The following MYO16 variants were observed in gnomAD, a reference collection of about 807,000 sequenced individuals.
MYO16 encodes the protein unconventional myosin-XVI.
MYO16 carries 94 observed loss-of-function variants against 205.3 expected under a neutral mutation model. The ratio of observed to expected loss-of-function variants is 0.46; its 90% confidence interval spans 0.39 to 0.54. The LOEUF is 0.54. MYO16 is among the 20% of genes least tolerant of loss of function. The probability of loss-of-function intolerance (pLI) is 0.00; values close to 1 mark genes in which losing one functional copy is unlikely to be tolerated. For synonymous variants in MYO16, 988 were observed against 954.0 expected (o/e 1.04, Z -0.66); for missense variants, 2,315 against 2,387.5 (o/e 0.97, Z 0.63).
At chr13:108,668,847 C>A (rs1210216976) in intron 2 of MYO16, among the ~76,000 whole-genome samples, 2 of 152,110 alleles carry the variant, frequency 1.3e-5, no homozygotes, top group Non-Finnish European at 2.9e-5. Context: ...TGCATAGCCG[C>A]AGATGTAACT....
chr13:108,991,400 TC>T (rs1169117399), intron 20 of MYO16, among the ~76,000 whole-genome samples: 18 of 152,260 alleles, frequency 1.2e-4, no homozygotes, highest in Admixed American at 6.5e-5. Context: ...CTTTAAATTA[TC>T]CTTCAAAAGT....
At chr13:109,099,238 A>C (rs982286377) in intron 27 of MYO16, among the ~76,000 whole-genome samples, 1 of 152,218 alleles carries the variant, frequency 6.6e-6, no homozygotes, top group African/African-American at 2.4e-5. Context: ...TGGAACCCAA[A>C]TAAGAAAATC....
At chr13:108,642,630 C>A (rs375527719) in intron 1 of MYO16, among the ~76,000 whole-genome samples, 16 of 151,964 alleles carry the variant, frequency 1.1e-4, no homozygotes, top group East Asian at 5.8e-4. Flanking sequence ...GTTGGCCAGG[C>A]TGGTCTCAAA....
At chr13:108,827,266 A>G (rs1876325727) in intron 9 of MYO16, among the ~76,000 whole-genome samples, 1 of 151,954 alleles carries the variant, frequency 6.6e-6, no homozygotes, top group South Asian at 2.1e-4. Context: ...CCCCCAGAAT[A>G]TATTTTGCTA....
chr13:108,878,292 CAAGCAGATGAACAG>C (rs1879423067), intron 12 of MYO16, among the ~76,000 whole-genome samples: 1 of 152,036 alleles, frequency 6.6e-6, no homozygotes, highest in South Asian at 2.1e-4. Context: ...CCAGACTCCA[CAAGCAGATGAACAG>C]AAGAGCAGAA....
At chr13:108,528,381 G>A in the MYO16 span, among the ~76,000 whole-genome samples, 9 of 152,224 alleles carry the variant, frequency 5.9e-5, no homozygotes, top group African/African-American at 1.9e-4. Flanking sequence ...CAAACGTTAG[G>A]TCTGATGCCA....
At chr13:108,719,047 A>C (rs750947694) in intron 3 of MYO16, among the ~76,000 whole-genome samples, 1 of 152,148 alleles carries the variant, frequency 6.6e-6, no homozygotes, top group Non-Finnish European at 1.5e-5. Context: ...AGATGATCTA[A>C]GAAAGGCCCC....
chr13:108,496,062 G>A, the MYO16 span, among the ~76,000 whole-genome samples: 1 of 152,194 alleles, frequency 6.6e-6, no homozygotes. Flanking sequence ...GGTGCCCCGG[G>A]TCGGACTTGC....
chr13:108,988,872 C>T (rs969346033), intron 20 of MYO16, among the ~76,000 whole-genome samples: 15 of 152,116 alleles, frequency 9.9e-5, no homozygotes, highest in Non-Finnish European at 2.9e-5. Context: ...GACCAGCACC[C>T]GGCCTTCAGG....
At chr13:108,852,464 G>A (rs901389560) in intron 10 of MYO16, among the ~76,000 whole-genome samples, 6 of 151,918 alleles carry the variant, frequency 3.9e-5, no homozygotes, top group Admixed American at 2.0e-4. Flanking sequence ...GTCCTCTCTG[G>A]GCCTTAAGTT....
At position 108,855,509 on chromosome 13, in the gene MYO16, C is replaced by T. The variant is rs1241966140; in HGVS notation, c.1315C>T (p.Leu439=). ...ATLSELNDGS[L]LYEIQKRFGN... The stretch of plus-strand genomic sequence containing the variant: ...GCTCAGCGAGCTCAATGATGGCAGC[C>T]TGCTCTATGAGATTCAGAAGCGCTT... The change falls in exon 11 of 35, where the codon CTG becomes TTG. Residue 439 remains leucine, a synonymous_variant. Transcript: ENST00000457511. 3.1e-6 allele frequency: 5 copies of T among 1,598,238 alleles called. No individual in the cohort carries two copies. The South Asian group carries it at 5.6e-5, about 18-fold the overall frequency.
At chr13:108,621,206 C>G (rs763790494) in intron 1 of MYO16, among the ~76,000 whole-genome samples, 2 of 152,076 alleles carry the variant, frequency 1.3e-5, no homozygotes, top group African/African-American at 4.8e-5. Context: ...CTCTGTAATT[C>G]TGTTTCCCAG....
At position 108,886,272 on chromosome 13, in the gene MYO16, C is replaced by T. The variant is rs564838210; in HGVS notation, c.1554-2100C>T. 1.1e-4 allele frequency among the ~76,000 whole-genome samples: 17 copies of T among 152,210 alleles called. No homozygotes were observed. In the South Asian group the frequency reaches 3.5e-3, roughly 32 times the overall value. On this transcript the variant is annotated intron_variant, in intron 13 of 34. Coordinates refer to ENST00000457511, the MANE Select transcript of MYO16 (RefSeq NM_001198950.3). The stretch of plus-strand genomic sequence containing the variant: ...AAAGTGCTGGGATTACAGGCGTGAG[C>T]CACCGCGCCCGGCCCTCCTTTGGGT...
chr13:108,914,591 A>G (rs935801531), intron 16 of MYO16, among the ~76,000 whole-genome samples: 23 of 152,234 alleles, frequency 1.5e-4, no homozygotes, highest in Non-Finnish European at 1.5e-5. Flanking sequence ...CTAAAGGCAT[A>G]TTCAATACTT....
At chr13:108,730,287 G>A (rs1884479919) in intron 4 of MYO16, among the ~76,000 whole-genome samples, 4 of 152,136 alleles carry the variant, frequency 2.6e-5, no homozygotes, top group Admixed American at 6.5e-5. Flanking sequence ...GCTGCCCTAT[G>A]AAGAGGTGTC....
At chr13:108,662,806 TA>T (rs1337053454) in intron 1 of MYO16, among the ~76,000 whole-genome samples, 3 of 152,120 alleles carry the variant, frequency 2.0e-5, no homozygotes, top group Non-Finnish European at 4.4e-5. Flanking sequence ...CTCATCCTGT[TA>T]AAAAATGTTA....
chr13:109,116,415 C>G (rs942579060), intron 28 of MYO16, among the ~76,000 whole-genome samples: 5 of 152,128 alleles, frequency 3.3e-5, no homozygotes, highest in African/African-American at 1.2e-4. Context: ...CTGCCTTCCT[C>G]TCATTTGTGC....
At chr13:108,949,481 TAACAA>T (rs1327033875) in intron 16 of MYO16, among the ~76,000 whole-genome samples, 2 of 151,898 alleles carry the variant, frequency 1.3e-5, no homozygotes, top group Non-Finnish European at 2.9e-5. Flanking sequence ...AGTATACACT[TAACAA>T]AACATGTACA....
chr13:108,901,612 C>G (rs1265388651), intron 15 of MYO16, among the ~76,000 whole-genome samples: 1 of 152,168 alleles, frequency 6.6e-6, no homozygotes, highest in African/African-American at 2.4e-5. Context: ...GCATCTATGA[C>G]AGGCATGCTC....
Sources: allele counts gnomAD v4.1 joint callset (sites outside exome capture counted in the v4.1 genomes callset), GRCh38; gene constraint gnomAD v4.1.1; transcripts MANE v1.5; gene names NCBI Gene and HGNC (gene_info 2026-07-23, HGNC 2026-07-21).